The following AGBL4 variants were observed in gnomAD, a reference collection of about 807,000 sequenced individuals.
AGBL4 encodes the protein cytosolic carboxypeptidase 6.
AGBL4 carries 58 observed loss-of-function variants against 66.4 expected under a neutral mutation model. The ratio of observed to expected loss-of-function variants is 0.87; its 90% CI spans 0.71 to 1.09. The LOEUF (loss-of-function observed/expected upper bound fraction) is 1.09. AGBL4 is among the 50% of genes least tolerant of loss of function. AGBL4 has a pLI of 0.00. For missense variants in AGBL4, 579 were observed against 631.0 expected (o/e 0.92, Z 0.88); for synonymous variants, 234 against 222.9 (o/e 1.05, Z -0.44).
At chr1:49,554,974 C>T (rs114373720) in intron 3 of AGBL4, among the ~76,000 whole-genome samples, 2,349 of 152,236 alleles carry the variant, frequency 0.015, 66 homozygotes, top group African/African-American at 0.054. Flanking sequence ...AAAGGCAGCA[C>T]GGACCCAAAG....
chr1:49,388,166 T>C lies in AGBL4; in HGVS notation c.283-142302A>G, dbSNP rs147403080. 6.5e-4 allele frequency among the ~76,000 whole-genome samples: 99 copies of C among 152,280 alleles called. 2 individuals carry two copies. In the East Asian group the frequency reaches 0.016, roughly 25 times the overall value. On this transcript the variant is annotated intron_variant, in intron 3 of 13. Coordinates refer to ENST00000371839, the MANE Select transcript of AGBL4 (RefSeq NM_032785.4). ...CCTATGCCTCTTCCTAAAATAATCA[T>C]TTTTAAATTCTAATAAGAACACATA... is the stretch of plus-strand genomic sequence containing the variant.
At chr1:48,726,231 G>A (rs1424407758) in intron 6 of AGBL4, among the ~76,000 whole-genome samples, 2 of 152,122 alleles carry the variant, frequency 1.3e-5, no homozygotes, top group Non-Finnish European at 2.9e-5. Flanking sequence ...TAACCTAAAA[G>A]CACTTGTAAA....
intron 3 of AGBL4, among the ~76,000 whole-genome samples, chr1:49,268,410 AC>A (rs1416937301): frequency 0.17 from 153 of 910 alleles, no homozygotes; most frequent in African/African-American, 0.25. Context: ...TTTTTTTTAA[AC>A]ACACACACAC....
chr1:49,362,659 A>G (rs1644165659), intron 3 of AGBL4, among the ~76,000 whole-genome samples: 1 of 151,964 alleles, frequency 6.6e-6, no homozygotes, highest in Non-Finnish European at 1.5e-5. Context: ...TACACCAACA[A>G]TTTCAATGAC....
chr1:49,041,556 A>G (rs1425231951), intron 5 of AGBL4, among the ~76,000 whole-genome samples: 2 of 152,128 alleles, frequency 1.3e-5, no homozygotes, highest in Admixed American at 1.3e-4. Context: ...GTTAGAAACC[A>G]TGGTTTTAAA....
intron 3 of AGBL4, among the ~76,000 whole-genome samples, chr1:49,299,700 C>T (rs1224120805): frequency 6.6e-6 from 1 of 152,144 alleles, no homozygotes; most frequent in Non-Finnish European, 1.5e-5. Context: ...TCAGGGGAGA[C>T]ATCTTTCCTT....
intron 3 of AGBL4, among the ~76,000 whole-genome samples, chr1:49,392,133 C>T (rs182461842): frequency 4.1e-4 from 63 of 152,268 alleles, no homozygotes; most frequent in Admixed American, 2.0e-3. Context: ...CAAATTTAAA[C>T]ATGTGGCTGT....
At chr1:49,670,498 G>A (rs553255440) in intron 3 of AGBL4, among the ~76,000 whole-genome samples, 1 of 152,196 alleles carries the variant, frequency 6.6e-6, no homozygotes, top group African/African-American at 2.4e-5. Flanking sequence ...AAATTTAAAG[G>A]GATCCTAGAA....
At chr1:49,886,209 T>C (rs1181414377) in intron 1 of AGBL4, among the ~76,000 whole-genome samples, 3 of 152,202 alleles carry the variant, frequency 2.0e-5, no homozygotes, top group African/African-American at 7.2e-5. Context: ...ACTTATGTGA[T>C]AGTCATAGTG....
At chr1:48,681,789 AGAGATAGGATTAACTGGG>A (rs1646459583) in intron 6 of AGBL4, among the ~76,000 whole-genome samples, 1 of 152,134 alleles carries the variant, frequency 6.6e-6, no homozygotes, top group Non-Finnish European at 1.5e-5. Flanking sequence ...AAGTCTGCCA[AGAGATAGGATTAACTGGG>A]GAGTGGGGGA....
rs1261637474 is a variant in AGBL4 at position 49,899,339 on chromosome 1, CAAT to C, written c.35-47824_35-47822del. Among the ~76,000 whole-genome samples, 20 of 151,818 alleles carry C rather than the reference CAAT, an allele frequency of 1.3e-4. No individual in the cohort carries two copies. The East Asian group carries it at 2.7e-3, about 21-fold the overall frequency. On this transcript the variant is annotated intron_variant, in intron 1 of 13. Transcript: ENST00000371839. Reference sequence around the variant, plus strand: ...ACTAGCACAACAGGGTGATTATAGTCAATAATAATTTAATTGTACATTTAAAAA... The same window carrying C: ...ACTAGCACAACAGGGTGATTATAGTCAATAATTTAATTGTACATTTAAAAA...
At chr1:48,832,084 T>C (rs1646565123) in intron 6 of AGBL4, among the ~76,000 whole-genome samples, 1 of 152,154 alleles carries the variant, frequency 6.6e-6, no homozygotes, top group African/African-American at 2.4e-5. Flanking sequence ...GATTAAGGCA[T>C]TACTTTCATA....
intron 3 of AGBL4, among the ~76,000 whole-genome samples, chr1:49,445,183 A>T (rs1021362913): frequency 6.6e-6 from 1 of 151,932 alleles, no homozygotes; most frequent in Non-Finnish European, 1.5e-5. Flanking sequence ...TGAATACATC[A>T]TTACATTTTC....
At chr1:49,230,752 T>G (rs1301208772) in intron 4 of AGBL4, among the ~76,000 whole-genome samples, 1 of 152,216 alleles carries the variant, frequency 6.6e-6, no homozygotes, top group Non-Finnish European at 1.5e-5. Context: ...AGGTTATCCC[T>G]TCTATTTCAG....
At chr1:49,022,539 C>T (rs1486769095) in intron 5 of AGBL4, among the ~76,000 whole-genome samples, 1 of 152,074 alleles carries the variant, frequency 6.6e-6, no homozygotes, top group Non-Finnish European at 1.5e-5. Flanking sequence ...TTGAAGACTT[C>T]TCTGGCTAAT....
intron 1 of AGBL4, among the ~76,000 whole-genome samples, chr1:49,898,998 G>C (rs1451842642): frequency 6.6e-6 from 1 of 152,124 alleles, no homozygotes; most frequent in African/African-American, 2.4e-5. Context: ...ATGTGAAGAG[G>C]AAGTGGGGAT....
At chr1:49,031,796 G>C (rs1664250869) in intron 5 of AGBL4, among the ~76,000 whole-genome samples, 1 of 152,074 alleles carries the variant, frequency 6.6e-6, no homozygotes, top group African/African-American at 2.4e-5. Context: ...CTTACGCATA[G>C]AGCAGTATAT....
chr1:49,344,671 T>A (rs931363457), intron 3 of AGBL4, among the ~76,000 whole-genome samples: 1 of 152,186 alleles, frequency 6.6e-6, no homozygotes, highest in Non-Finnish European at 1.5e-5. Flanking sequence ...ATTTTAAGTT[T>A]ATGTAATCTT....
At chr1:49,722,204 C>T (rs1001701463) in intron 2 of AGBL4, among the ~76,000 whole-genome samples, 1 of 152,144 alleles carries the variant, frequency 6.6e-6, no homozygotes, top group African/African-American at 2.4e-5. Context: ...GAACTTGAAT[C>T]CCCAAGGTGC....
Sources: gnomAD v4.1 joint callset for allele counts (sites outside exome capture counted in the v4.1 genomes callset) on GRCh38, gnomAD v4.1.1 for gene constraint, MANE v1.5 for transcripts, NCBI Gene and HGNC (gene_info 2026-07-23, HGNC 2026-07-21) for gene names.